The following OR51B5 variants were observed in gnomAD, a reference collection of about 807,000 sequenced individuals.
OR51B5 encodes olfactory receptor 51B5.
For synonymous variants in OR51B5, 186 were observed against 144.8 expected (o/e 1.28, Z -2.04); for missense variants, 456 against 374.6 (o/e 1.22, Z -1.79).
chr11:5,424,952 A>G (rs1589990065), intron 1 of OR51B5, among the ~76,000 whole-genome samples: 1 of 97,958 alleles, frequency 1.0e-5, no homozygotes, highest in South Asian at 3.1e-4. Flanking sequence ...ACTGCACTCC[A>G]GCCTGGGCGA....
rs1021793758 is a variant in OR51B5, at chr11:5,381,361, C to A, written n.85-34451G>T. Among the ~76,000 whole-genome samples the A allele has an allele frequency of 3.9e-5, 6 of 152,280 alleles. No individual in the cohort carries two copies. The East Asian group carries it at 1.2e-3, about 29-fold the overall frequency. On this transcript the variant is annotated intron_variant and non_coding_transcript_variant, in intron 1 of 4. Transcript: ENST00000415970. Reference sequence around the variant, plus strand: ...GTGTTGATACTTCACCTTCCCCAACCATCATGCACCCACATTCACTTCACC... The same window carrying A: ...GTGTTGATACTTCACCTTCCCCAACAATCATGCACCCACATTCACTTCACC...
chr11:5,447,955 G>A (rs1850792801), intron 1 of OR51B5, among the ~76,000 whole-genome samples: 1 of 152,054 alleles, frequency 6.6e-6, no homozygotes, highest in Admixed American at 6.5e-5. Flanking sequence ...CTGAATTCTT[G>A]AGACCCCAGA....
At chr11:5,414,515 A>C (rs1319376458) in intron 1 of OR51B5, among the ~76,000 whole-genome samples, 3 of 152,080 alleles carry the variant, frequency 2.0e-5, no homozygotes, top group African/African-American at 7.2e-5. Flanking sequence ...AAGACCCATC[A>C]GTGTGTTGTA....
At chr11:5,472,947 C>A (rs942109472) in intron 1 of OR51B5, among the ~76,000 whole-genome samples, 1 of 152,194 alleles carries the variant, frequency 6.6e-6, no homozygotes, top group African/African-American at 2.4e-5. Flanking sequence ...GGTTTTAACA[C>A]TGAAAGTCCC....
At chr11:5,490,202 C>T (rs1851562065) in intron 1 of OR51B5, among the ~76,000 whole-genome samples, 1 of 152,104 alleles carries the variant, frequency 6.6e-6, no homozygotes, top group African/African-American at 2.4e-5. Context: ...TAACATCTAA[C>T]TTTGAATGTT....
At chr11:5,390,470 A>T in intron 1 of OR51B5, 1 of 1,159,324 alleles carries the variant, frequency 8.6e-7, no homozygotes, top group South Asian at 1.7e-5. Context: ...CATGCTCTTA[A>T]AGATTTTTTG....
intron 1 of OR51B5, among the ~76,000 whole-genome samples, chr11:5,356,869 C>A (rs1455876679): frequency 7.1e-6 from 1 of 141,614 alleles, no homozygotes; most frequent in African/African-American, 2.6e-5. Flanking sequence ...TCATATCCAG[C>A]CAAACTAAGC....
chr11:5,458,677 C>G (rs142071508), intron 1 of OR51B5, among the ~76,000 whole-genome samples: 1 of 152,112 alleles, frequency 6.6e-6, no homozygotes, highest in African/African-American at 2.4e-5. Flanking sequence ...TTCACCTGCA[C>G]CGTTAACTGT....
In OR51B5 at chr11:5,343,041, A is replaced by T. The variant is rs925046400; in HGVS notation, c.484T>A (p.Tyr162Asn). ...TGGGAGTGACAATACAGAAAAAAAT[A>T]GAGGGGCCTGATTGGGGGAACAACG... Residue 162 changes from tyrosine (Y) to asparagine (N), a missense_variant, in exon 1 of 1, where the codon TAT (tyrosine) becomes AAT (asparagine). By Grantham distance (143) the Tyr-to-Asn change is moderately radical. Transcript: ENST00000300773. The T allele has an allele frequency of 6.2e-7, 1 of 1,613,908 alleles. No individual in the cohort carries two copies. Among genetic ancestry groups the T allele is most frequent in the African/African-American group, 1.3e-5 (1 of 75,014 alleles).
Position 5,460,302 on chromosome 11 carries a change from T to A in OR51B5, n.84+45267A>T, listed in dbSNP as rs575605550. On this transcript the variant is annotated intron_variant and non_coding_transcript_variant, in intron 1 of 4. Coordinates refer to the OR51B5 transcript ENST00000415970. ...ATTAACTATTGGGTACTAGGCATAG[T>A]ACCTTGGTGACAAAATAATTTGTAG... Among the ~76,000 whole-genome samples the A allele has an allele frequency of 3.9e-5, 6 of 152,326 alleles. No individual in the cohort carries two copies. In the South Asian group the frequency reaches 1.0e-3, roughly 26 times the overall value.
At chr11:5,359,020 A>G (rs1849237616) in intron 1 of OR51B5, among the ~76,000 whole-genome samples, 1 of 152,118 alleles carries the variant, frequency 6.6e-6, no homozygotes, top group African/African-American at 2.4e-5. Flanking sequence ...ATCTATGACA[A>G]ACCCACAGCC....
intron 1 of OR51B5, among the ~76,000 whole-genome samples, chr11:5,359,542 C>A (rs1424130459): frequency 7.4e-6 from 1 of 134,688 alleles, no homozygotes; most frequent in African/African-American, 2.8e-5. Flanking sequence ...TAGGAAGAAT[C>A]AATATCATGA....
chr11:5,471,925 G>C (rs534576072), intron 1 of OR51B5, among the ~76,000 whole-genome samples: 1 of 152,146 alleles, frequency 6.6e-6, no homozygotes, highest in African/African-American at 2.4e-5. Context: ...ATGGCAACTA[G>C]GAAAGTTGTG....
intron 1 of OR51B5, among the ~76,000 whole-genome samples, chr11:5,363,068 G>A (rs1849309571): frequency 6.6e-6 from 1 of 151,792 alleles, no homozygotes; most frequent in African/African-American, 2.4e-5. Flanking sequence ...TGTAAAATGT[G>A]CTAAGTAGAT....
intron 1 of OR51B5, among the ~76,000 whole-genome samples, chr11:5,423,410 A>G (rs1012795232): frequency 6.6e-6 from 1 of 152,184 alleles, no homozygotes; most frequent in Non-Finnish European, 1.5e-5. Context: ...TAATGGATTG[A>G]GTAAAGTTCT....
chr11:5,491,130 C>A (rs771702081), intron 1 of OR51B5, among the ~76,000 whole-genome samples: 20 of 152,214 alleles, frequency 1.3e-4, no homozygotes, highest in Non-Finnish European at 2.5e-4. Flanking sequence ...TGAATAAATA[C>A]TGTCTTCATT....
intron 1 of OR51B5, among the ~76,000 whole-genome samples, chr11:5,432,863 G>T (rs955397197): frequency 6.6e-6 from 1 of 152,122 alleles, no homozygotes; most frequent in African/African-American, 2.4e-5. Flanking sequence ...GTAAACTGTG[G>T]TCTGATCTAG....
intron 1 of OR51B5, among the ~76,000 whole-genome samples, chr11:5,380,245 C>T (rs1015823187): frequency 2.0e-5 from 3 of 152,158 alleles, no homozygotes; most frequent in East Asian, 1.9e-4. Context: ...CTCTGTAAAC[C>T]TTCCAGACTC....
intron 1 of OR51B5, chr11:5,489,066 C>A: frequency 1.2e-6 from 2 of 1,614,018 alleles, no homozygotes; most frequent in Non-Finnish European, 1.7e-6. Flanking sequence ...TTCTACTTGC[C>A]ATGGCCTTTG....
Sources: allele counts gnomAD v4.1 joint callset (sites outside exome capture counted in the v4.1 genomes callset), GRCh38; gene constraint gnomAD v4.1.1; transcripts MANE v1.5; gene names NCBI Gene and HGNC (gene_info 2026-07-23, HGNC 2026-07-21).